The following ANLN variants were observed in gnomAD, a reference collection of about 807,000 sequenced individuals.
ANLN encodes the protein anillin.
In ANLN, 59 loss-of-function variants were observed where a neutral mutation model predicts 135.1. The observed-to-expected ratio is 0.44, with a 90% CI of 0.35 to 0.54. The LOEUF is 0.54. ANLN is among the 20% of genes least tolerant of loss of function. The pLI, the probability that ANLN is intolerant of heterozygous loss-of-function variation, is 0.00. For synonymous variants in ANLN, 406 were observed against 456.4 expected (o/e 0.89, Z 1.41); for missense variants, 1,182 against 1,340.0 (o/e 0.88, Z 1.84).
At chr7:36,406,157 A>C in intron 3 of ANLN, 24 bp from the exon 4 acceptor site, 1 of 1,568,550 alleles carries the variant, frequency 6.4e-7, no homozygotes, top group Non-Finnish European at 8.7e-7. Context: ...ATGGTTTTTA[A>C]CTCTTTTCTG....
At position 36,420,676 on chromosome 7, in the gene ANLN, G is replaced by A; in HGVS notation, c.2095G>A (p.Val699Ile). ...IKQVIVRKED[V>I]TSKLDEKNNA... ...GCAGGTGATTGTTCGGAAGGAAGAT[G>A]TTACTTCAAAACTGGATGAAAAAAA... is the stretch of plus-strand genomic sequence containing the variant. Residue 699 changes from valine to isoleucine, a missense_variant, in exon 12 of 24, where the codon GTT becomes ATT. By Grantham distance (29) the Val-to-Ile change is conservative (BLOSUM62 3). Coordinates refer to ENST00000265748, the MANE Select transcript of ANLN (RefSeq NM_018685.5). 1.2e-6 allele frequency: 2 copies of A among 1,613,642 alleles called. No individual in the cohort carries two copies. The highest frequency in any genetic ancestry group is 1.3e-5 in the African/African-American group (1 of 75,024).
At chr7:36,437,531 C>T (rs953717871) in intron 20 of ANLN, among the ~76,000 whole-genome samples, 2 of 152,010 alleles carry the variant, frequency 1.3e-5, no homozygotes, top group African/African-American at 2.4e-5. Context: ...CCATTTCAAT[C>T]CTTTTGATAA....
chr7:36,440,392 G>T (rs922720568), intron 21 of ANLN, among the ~76,000 whole-genome samples: 1 of 152,212 alleles, frequency 6.6e-6, no homozygotes, highest in African/African-American at 2.4e-5. Context: ...ATTATTGGGT[G>T]ATCATTCTGG....
At chr7:36,423,736 A>G in intron 14 of ANLN, 81 bp from the exon 15 acceptor site, 1 of 1,313,558 alleles carries the variant, frequency 7.6e-7, no homozygotes, top group Non-Finnish European at 1.0e-6. Flanking sequence ...ATATTCCTTT[A>G]TTTCTTTGGT....
chr7:36,398,701 T>C (rs1786808722), intron 2 of ANLN, among the ~76,000 whole-genome samples: 1 of 152,228 alleles, frequency 6.6e-6, no homozygotes. Flanking sequence ...TGTGAGATTT[T>C]GGTGCACACA....
At chr7:36,435,283 T>C (rs1788481273) in intron 20 of ANLN, among the ~76,000 whole-genome samples, 1 of 152,188 alleles carries the variant, frequency 6.6e-6, no homozygotes, top group African/African-American at 2.4e-5. Flanking sequence ...CAACCATTCT[T>C]CTCATCTCTG....
At chr7:36,416,307 C>T (rs1787640441) in intron 8 of ANLN, among the ~76,000 whole-genome samples, 1 of 152,246 alleles carries the variant, frequency 6.6e-6, no homozygotes, top group East Asian at 1.9e-4. Context: ...GGGTCAGCCA[C>T]TGCGCCCAGC....
chr7:36,423,488 A>G (rs963003621), intron 14 of ANLN, among the ~76,000 whole-genome samples: 11 of 152,164 alleles, frequency 7.2e-5, no homozygotes, highest in African/African-American at 2.7e-4. Context: ...ATAACAAACC[A>G]TAATTTACCC....
At chr7:36,421,259 G>T (rs1346035781) in intron 12 of ANLN, among the ~76,000 whole-genome samples, 2 of 151,808 alleles carry the variant, frequency 1.3e-5, no homozygotes, top group African/African-American at 4.8e-5. Flanking sequence ...GTAGAGATGG[G>T]GTTTCACTAT....
intron 2 of ANLN, 100 bp downstream of exon 2, chr7:36,396,519 T>G: frequency 8.2e-7 from 1 of 1,218,770 alleles, no homozygotes; most frequent in Non-Finnish European, 1.1e-6. Context: ...CCAAGCTCTT[T>G]GGGAGACAAA....
chr7:36,424,054 T>G, intron 15 of ANLN, 111 bp downstream of exon 15: 1 of 1,092,052 alleles, frequency 9.2e-7, no homozygotes, highest in Non-Finnish European at 1.3e-6. Context: ...TTATGCACAT[T>G]CTTTTTATAT....
At chr7:36,444,929 T>C (rs1262014353) in intron 22 of ANLN, among the ~76,000 whole-genome samples, 3 of 151,944 alleles carry the variant, frequency 2.0e-5, no homozygotes, top group Non-Finnish European at 4.4e-5. Context: ...ATTATTAATA[T>C]TTTAAAAATT....
intron 22 of ANLN, 35 bp from the exon 23 acceptor site, chr7:36,449,630 A>G (rs2116834699): frequency 6.5e-7 from 1 of 1,545,898 alleles, no homozygotes; most frequent in African/African-American, 1.4e-5. Context: ...AAATAGTCTT[A>G]TTTTCTACTA....
chr7:36,446,414 C>T (rs1485926200), intron 22 of ANLN, among the ~76,000 whole-genome samples: 1 of 152,016 alleles, frequency 6.6e-6, no homozygotes, highest in Non-Finnish European at 1.5e-5. Context: ...ATACCCAAGA[C>T]TGGGTAATTT....
intron 14 of ANLN, among the ~76,000 whole-genome samples, chr7:36,423,172 T>A (rs111868062): frequency 2.2e-3 from 333 of 152,298 alleles, no homozygotes; most frequent in African/African-American, 7.5e-3. Context: ...CAATTTATTT[T>A]AAAAAATTTC....
intron 3 of ANLN, among the ~76,000 whole-genome samples, chr7:36,404,071 A>G (rs886517947): frequency 1.3e-5 from 2 of 152,104 alleles, no homozygotes; most frequent in African/African-American, 2.4e-5. Flanking sequence ...CCTGGGTTCA[A>G]GCTATTCCCC....
chr7:36,452,317 A>G (rs991732384), intron 23 of ANLN, among the ~76,000 whole-genome samples, 160 bp from the exon 24 acceptor site: 2 of 152,228 alleles, frequency 1.3e-5, no homozygotes, highest in African/African-American at 4.8e-5. Flanking sequence ...TTATTTGGAG[A>G]TGCACCTCAC....
chr7:36,421,851 T>C lies in ANLN; in HGVS notation c.2164-6T>C, dbSNP rs750062505. On this transcript the variant is annotated splice_polypyrimidine_tract_variant and splice_region_variant and intron_variant, in intron 12 of 23. Coordinates refer to ENST00000265748, the MANE Select transcript of ANLN (RefSeq NM_018685.5). The stretch of plus-strand genomic sequence containing the variant: ...ATATTTTTTCTCCTCTCATTGGTTT[T>C]CCTAGGAACTCAATAACGAAATAAA... 3 of 1,593,248 alleles carry C rather than the reference T, an allele frequency of 1.9e-6. No homozygotes were observed. Among genetic ancestry groups the C allele is most frequent in the Non-Finnish European group, 2.6e-6 (3 of 1,172,368 alleles).
At position 36,394,309 on chromosome 7, in the gene ANLN, C is replaced by T. The variant is rs556774346; in HGVS notation, c.19-1957C>T. On this transcript the variant is annotated intron_variant, in intron 1 of 23. Coordinates refer to ENST00000265748, the MANE Select transcript of ANLN (RefSeq NM_018685.5). Reference sequence around the variant, plus strand: ...AAGGAGGGGTATAACAAGGTGCATGCGGCCTCCTGTTCCATCATGGCTGAG... The same window carrying T: ...AAGGAGGGGTATAACAAGGTGCATGTGGCCTCCTGTTCCATCATGGCTGAG... 3.6e-3 allele frequency among the ~76,000 whole-genome samples: 546 copies of T among 152,234 alleles called. 7 individuals carry two copies. The highest frequency in any genetic ancestry group is 0.013 in the African/African-American group (532 of 41,534).
Sources: allele counts gnomAD v4.1 joint callset (sites outside exome capture counted in the v4.1 genomes callset), GRCh38; gene constraint gnomAD v4.1.1; transcripts MANE v1.5; gene names NCBI Gene and HGNC (gene_info 2026-07-23, HGNC 2026-07-21).